The following SLC24A4 variants were observed in gnomAD, a reference collection of about 807,000 sequenced individuals.
The protein encoded by SLC24A4 is solute carrier family 24 member 4.
A neutral mutation model predicts 79.0 loss-of-function variants in SLC24A4; 53 were observed. That is an observed-to-expected ratio of 0.67 (90% CI 0.54 to 0.84). SLC24A4 has a LOEUF of 0.84. Among genes scored for constraint, SLC24A4 ranks in the 40% least tolerant of loss-of-function variants. The pLI is 0.00. For synonymous variants in SLC24A4, 323 were observed against 323.8 expected (o/e 1.00, Z 0.03); for missense variants, 731 against 822.0 (o/e 0.89, Z 1.35).
chr14:92,449,318 A>G (rs1416177511), intron 10 of SLC24A4, 102 bp downstream of exon 10: 8 of 913,730 alleles, frequency 8.8e-6, no homozygotes, highest in Non-Finnish European at 1.2e-5. Context: ...ACACACACAC[A>G]CACACCCTCT....
intron 2 of SLC24A4, among the ~76,000 whole-genome samples, chr14:92,389,355 T>C (rs1889340050): frequency 6.6e-6 from 1 of 152,186 alleles, no homozygotes; most frequent in African/African-American, 2.4e-5. Flanking sequence ...GTGAGTAAAC[T>C]GAGGCTCATT....
intron 9 of SLC24A4, among the ~76,000 whole-genome samples, chr14:92,448,375 C>CACACACACACACACAAAT (rs1375708706): frequency 2.6e-5 from 4 of 151,794 alleles, no homozygotes; most frequent in Non-Finnish European, 5.9e-5. Flanking sequence ...CACACACACA[C>CACACACACACACACAAAT]ACACAAATCC....
intron 2 of SLC24A4, among the ~76,000 whole-genome samples, chr14:92,326,920 G>A (rs961167020): frequency 1.1e-4 from 16 of 152,220 alleles, no homozygotes; most frequent in African/African-American, 3.6e-4. Context: ...TGGGAAGGCT[G>A]TGTTGGGGAC....
intron 2 of SLC24A4, among the ~76,000 whole-genome samples, chr14:92,341,088 G>A (rs1331945516): frequency 2.0e-5 from 3 of 152,170 alleles, no homozygotes; most frequent in Admixed American, 6.5e-5. Context: ...CCCGAAAGAG[G>A]ATGCATCACA....
intron 2 of SLC24A4, among the ~76,000 whole-genome samples, chr14:92,393,475 G>A (rs990067736): frequency 7.9e-5 from 12 of 151,662 alleles, no homozygotes; most frequent in South Asian, 2.1e-4. Flanking sequence ...GATGGCGGCC[G>A]CCTGAACAGG....
chr14:92,416,122 G>GGTATGT (rs60929255), intron 2 of SLC24A4, among the ~76,000 whole-genome samples: 5 of 147,918 alleles, frequency 3.4e-5, no homozygotes, highest in African/African-American at 7.4e-5. Flanking sequence ...TTGTGTGTGT[G>GGTATGT]GTGTGTGTGT....
upstream of SLC24A4, chr14:92,322,630 T>C (rs1884857398): frequency 6.5e-6 from 1 of 152,850 alleles, no homozygotes. Flanking sequence ...TCCAGCTTTT[T>C]TGCAGGTCGG....
Position 92,482,947 on chromosome 14 carries a change from G to A in SLC24A4, c.1422+101G>A, listed in dbSNP as rs553418664. On this transcript the variant is annotated intron_variant, in intron 13 of 16. Transcript: ENST00000532405. ...AGGTACTGCTGTGCCACCTTTGGGC[G>A]AGTCACTGGCCTCACTGACCACAGC... 1.5e-3 allele frequency: 1,865 copies of A among 1,210,432 alleles called. 6 individuals carry two copies. Among genetic ancestry groups the A allele is most frequent in the Non-Finnish European group, 2.0e-3 (1,729 of 873,752 alleles). 75.0% of individuals were successfully genotyped at this position (1,210,432 alleles called of 1,614,324 possible).
chr14:92,488,175 G>T (rs563777716), intron 14 of SLC24A4, among the ~76,000 whole-genome samples: 65 of 151,324 alleles, frequency 4.3e-4, no homozygotes, highest in African/African-American at 1.5e-3. Flanking sequence ...GGGTTCAAGC[G>T]GTTCTCCTGC....
Position 92,444,049 on chromosome 14 carries a change from G to A in SLC24A4, c.657+575G>A, listed in dbSNP as rs184774291. 3.7e-3 allele frequency among the ~76,000 whole-genome samples: 557 copies of A among 152,078 alleles called. 6 individuals are homozygous for A. The highest frequency in any genetic ancestry group is 2.3e-3 in the Non-Finnish European group (155 of 68,006). ...GTTTGTTGGAAGCAAGTCACCAGGT[G>A]CAGCCCACATGCTAGGGAAGCATGA... On this transcript the variant is annotated intron_variant, in intron 7 of 16. Transcript: ENST00000532405.
rs755756934 is a variant in SLC24A4, at chr14:92,491,649, T to G, written c.1538-16T>G. 7.7e-6 allele frequency: 12 copies of G among 1,555,300 alleles called. No homozygotes were observed. Among genetic ancestry groups the G allele is most frequent in the African/African-American group, 1.4e-5 (1 of 73,852 alleles). On this transcript the variant is annotated splice_polypyrimidine_tract_variant and intron_variant, in intron 14 of 16. Transcript: ENST00000532405. The stretch of plus-strand genomic sequence containing the variant: ...GACCTGCTCTTATAAAATAAATGTG[T>G]TGTTGTCCCCTGCAGGCCTTGGGGA...
chr14:92,454,124 G>A (rs1893320704), intron 11 of SLC24A4, 55 bp downstream of exon 11: 1 of 1,541,714 alleles, frequency 6.5e-7, no homozygotes, highest in Non-Finnish European at 8.8e-7. Context: ...AGGAGGCCTT[G>A]GCTTGTTAGG....
chr14:92,482,795 C>T lies in SLC24A4; in HGVS notation c.1371C>T (p.Phe457=), dbSNP rs145504963. ...PRWEKFFMVT[F]ITATLWIAVF... is the part of the protein sequence containing the mutation. Reference sequence around the variant, plus strand: ...GGGAGAAGTTCTTCATGGTCACCTTCATCACCGCCACGCTGTGGATCGCTG... The same window carrying T: ...GGGAGAAGTTCTTCATGGTCACCTTTATCACCGCCACGCTGTGGATCGCTG... The change falls in exon 13 of 17, where the codon TTC becomes TTT. Residue 457 remains phenylalanine, a synonymous_variant. Coordinates refer to ENST00000532405, the MANE Select transcript of SLC24A4 (RefSeq NM_153646.4). 8 of 1,613,992 alleles carry T rather than the reference C, an allele frequency of 5.0e-6. No homozygotes were observed. Among genetic ancestry groups the T allele is most frequent in the Non-Finnish European group, 6.8e-6 (8 of 1,180,016 alleles).
chr14:92,488,046 C>G (rs1039411206), intron 14 of SLC24A4, among the ~76,000 whole-genome samples: 26 of 151,030 alleles, frequency 1.7e-4, no homozygotes, highest in South Asian at 8.4e-4. Context: ...TTCCTTCCAT[C>G]CTTCTCCTCC....
rs144737337 is a variant in SLC24A4, at chr14:92,333,390, C to T, written c.241+7412C>T. 7.1e-3 allele frequency among the ~76,000 whole-genome samples: 1,084 copies of T among 152,296 alleles called. 51 individuals are homozygous for T. Among genetic ancestry groups the T allele is most frequent in the Admixed American group, 0.061 (934 of 15,304 alleles). ...GATTACAGGCATGAGCCACTGTGCC[C>T]GGCCCCACTTCTGAGATTGAATGTT... is the stretch of plus-strand genomic sequence containing the variant. On this transcript the variant is annotated intron_variant, in intron 2 of 16. Transcript: ENST00000532405.
At chr14:92,392,304 T>C (rs1048150990) in intron 2 of SLC24A4, among the ~76,000 whole-genome samples, 2 of 151,612 alleles carry the variant, frequency 1.3e-5, no homozygotes, top group Non-Finnish European at 2.9e-5. Context: ...GAAAAGACGA[T>C]AGCAAAAAAT....
At chr14:92,324,468 C>A (rs1201380745) in intron 1 of SLC24A4, among the ~76,000 whole-genome samples, 1 of 152,240 alleles carries the variant, frequency 6.6e-6, no homozygotes, top group Non-Finnish European at 1.5e-5. Context: ...GGGTAGCTGC[C>A]ATGTTTCAGC....
chr14:92,357,199 C>T (rs560101476), intron 2 of SLC24A4, among the ~76,000 whole-genome samples: 29 of 152,268 alleles, frequency 1.9e-4, no homozygotes, highest in African/African-American at 5.8e-4. Flanking sequence ...CATCTGTGGC[C>T]GACTGGCACA....
chr14:92,453,110 G>A (rs1893244283), intron 10 of SLC24A4: 1 of 152,274 alleles, frequency 6.6e-6, no homozygotes, highest in South Asian at 2.1e-4. Context: ...CCCAGTGCAG[G>A]TTTATGAAGA....
Sources: gnomAD v4.1 joint callset for allele counts (sites outside exome capture counted in the v4.1 genomes callset) on GRCh38, gnomAD v4.1.1 for gene constraint, MANE v1.5 for transcripts, NCBI Gene and HGNC (gene_info 2026-07-23, HGNC 2026-07-21) for gene names.